Variants in APPL1 observed in about 807,000 individuals in gnomAD.
The protein encoded by APPL1 is adaptor protein, phosphotyrosine interacting with PH domain and leucine zipper 1.
In APPL1, 42 loss-of-function variants were observed where a neutral mutation model predicts 106.8. The observed-to-expected ratio is 0.39, with a 90% CI of 0.31 to 0.51. The LOEUF (loss-of-function observed/expected upper bound fraction) is 0.51, where lower values mean the gene tolerates loss of function less well. Ranked by LOEUF, APPL1 falls within the 20% of genes least tolerant of loss-of-function variation. The pLI is 0.75. For synonymous variants in APPL1, 263 were observed against 281.8 expected (o/e 0.93, Z 0.67); for missense variants, 769 against 858.2 (o/e 0.90, Z 1.30).
At position 57,268,412 on chromosome 3, in the gene APPL1, A is replaced by C; in HGVS notation, c.1908A>C (p.Ser636=). 6.3e-7 allele frequency: 1 copy of C among 1,591,516 alleles called. No homozygotes were observed. ...CTGTTCTTTAGGATCGTAGGGCATC[A>C]GAAAAACAAAAAGAAATAGAGAGAG... The part of the protein sequence containing the change: ...ALHAELDRRA[S]EKQKEIERVK... Residue 636 remains serine, a synonymous_variant, in exon 21 of 22, where the codon TCA becomes TCC. Coordinates refer to ENST00000288266, the MANE Select transcript of APPL1 (RefSeq NM_012096.3).
At position 57,246,184 on chromosome 3, in the gene APPL1, G is replaced by A. The variant is rs1250346173; in HGVS notation, c.583G>A (p.Ala195Thr). The A allele has an allele frequency of 1.2e-6, 2 of 1,610,286 alleles. No individual in the cohort carries two copies. The highest frequency in any genetic ancestry group is 4.5e-5 in the East Asian group (2 of 44,652). The change falls in exon 8 of 22, where the codon GCA becomes ACA. Residue 195 changes from alanine (A) to threonine (T), a missense_variant. By Grantham distance (58) the Ala-to-Thr change is moderately conservative. Coordinates refer to ENST00000288266, the MANE Select transcript of APPL1 (RefSeq NM_012096.3). ...LNTLQYKKKI[A>T]LLEPLLGYMQ... Reference sequence around the variant, plus strand: ...TACTCTTCAGTACAAGAAGAAAATAGCATTGTTAGAACCTCTACTTGGGTA... The same window carrying A: ...TACTCTTCAGTACAAGAAGAAAATAACATTGTTAGAACCTCTACTTGGGTA...
rs574418712 is a variant in APPL1, at chr3:57,236,291, G to A, written c.153+627G>A. Among the ~76,000 whole-genome samples, 9 of 149,950 alleles carry A rather than the reference G, an allele frequency of 6.0e-5. No homozygotes were observed. In the East Asian group the frequency reaches 1.8e-3, roughly 30 times the overall value. On this transcript the variant is annotated intron_variant, in intron 2 of 21. Transcript: ENST00000288266. ...ACTCCCGACCTCAGGTGATCCGCCC[G>A]CCTTGGCCTCCCAAAGTGCTGAGAT...
chr3:57,232,168 T>A (rs1212953919), intron 1 of APPL1, among the ~76,000 whole-genome samples: 1 of 152,232 alleles, frequency 6.6e-6, no homozygotes, highest in Non-Finnish European at 1.5e-5. Context: ...AGAAAATTAA[T>A]TGATTTTATA....
At chr3:57,265,658 T>G (rs1286959883) in intron 19 of APPL1, among the ~76,000 whole-genome samples, 1 of 152,180 alleles carries the variant, frequency 6.6e-6, no homozygotes, top group Non-Finnish European at 1.5e-5. Flanking sequence ...TGGTGGAGTC[T>G]AGGTTTTTCT....
chr3:57,239,895 G>GA (rs1228635935), intron 4 of APPL1, among the ~76,000 whole-genome samples: 1 of 152,034 alleles, frequency 6.6e-6, no homozygotes, highest in Non-Finnish European at 1.5e-5. Flanking sequence ...ATGGCCATCT[G>GA]AGTGAGTGTG....
At chr3:57,260,201 T>TAC (rs762749074) in intron 18 of APPL1, 48 bp downstream of exon 18, 2 of 1,518,892 alleles carry the variant, frequency 1.3e-6, no homozygotes, top group Non-Finnish European at 1.8e-6. Flanking sequence ...TTTGTATATA[T>TAC]ACACATCTTA....
At chr3:57,248,770 T>A (rs112368413) in intron 10 of APPL1, among the ~76,000 whole-genome samples, 12,649 of 151,948 alleles carry the variant, frequency 0.083, 1,758 homozygotes, top group African/African-American at 0.29. Context: ...CTCAGGAGGC[T>A]GAGACACGAG....
intron 19 of APPL1, among the ~76,000 whole-genome samples, chr3:57,265,480 T>TG (rs528834839): frequency 3.9e-4 from 59 of 152,164 alleles, no homozygotes; most frequent in African/African-American, 1.4e-3. Context: ...TCTTTCACTT[T>TG]GGTTAACTCC....
chr3:57,260,106 T>G lies in APPL1; in HGVS notation c.1659-11T>G, dbSNP rs774915058. ...AAAATTTGTTTTCCAATTTTTAAAT[T>G]ATTATTTTAGGTTAATTGATCCACA... On this transcript the variant is annotated splice_polypyrimidine_tract_variant and intron_variant, in intron 17 of 21. Transcript: ENST00000288266. 6.2e-7 allele frequency: 1 copy of G among 1,606,722 alleles called. No individual in the cohort carries two copies. The highest frequency in any genetic ancestry group is 1.7e-5 in the Admixed American group (1 of 57,792).
rs192432791 is a variant in APPL1, at chr3:57,246,980, G to T, written c.622-415G>T. 6.7e-3 allele frequency among the ~76,000 whole-genome samples: 916 copies of T among 136,762 alleles called. 7 individuals carry two copies. The highest frequency in any genetic ancestry group is 0.011 in the Non-Finnish European group (679 of 63,386). The allele number at this position is 136,762 out of a possible 152,430, so 89.7% of individuals were successfully genotyped here. On this transcript the variant is annotated intron_variant, in intron 8 of 21. Coordinates refer to ENST00000288266, the MANE Select transcript of APPL1 (RefSeq NM_012096.3). ...ATTGTGCAGTCTGGATGACAGACGAGACCCTGTCTCAAAAAAAAAAAAAAA... is the reference window on the plus strand; with the variant it reads ...ATTGTGCAGTCTGGATGACAGACGATACCCTGTCTCAAAAAAAAAAAAAAA...
At chr3:57,256,359 CAGTA>C (rs1342626236) in intron 13 of APPL1, among the ~76,000 whole-genome samples, 3 of 152,108 alleles carry the variant, frequency 2.0e-5, no homozygotes, top group African/African-American at 7.2e-5. Flanking sequence ...TTAAATAAAA[CAGTA>C]AGTCTAAAGT....
At chr3:57,240,385 C>A in intron 4 of APPL1, 80 bp from the exon 5 acceptor site, 1 of 1,087,834 alleles carries the variant, frequency 9.2e-7, no homozygotes, top group Non-Finnish European at 1.4e-6. Flanking sequence ...ACCATTTTTA[C>A]TAGATTATGT....
chr3:57,237,973 G>A, intron 3 of APPL1, 72 bp from the exon 4 acceptor site: 1 of 1,183,646 alleles, frequency 8.4e-7, no homozygotes, highest in Non-Finnish European at 1.2e-6. Flanking sequence ...ATTTAAAAAT[G>A]TAAATTATAG....
intron 21 of APPL1, chr3:57,269,302 A>G: frequency 4.8e-6 from 2 of 412,726 alleles, no homozygotes; most frequent in Admixed American, 3.9e-5. Flanking sequence ...GTTGTTGGTC[A>G]TAAAAAAAGA....
At chr3:57,237,350 C>A in intron 2 of APPL1, 142 bp from the exon 3 acceptor site, 1 of 605,922 alleles carries the variant, frequency 1.7e-6, no homozygotes, top group Non-Finnish European at 2.9e-6. Context: ...AATGGTAGTA[C>A]CCCTTTCCAG....
chr3:57,247,801 T>C (rs2060782942), intron 9 of APPL1, among the ~76,000 whole-genome samples: 1 of 152,200 alleles, frequency 6.6e-6, no homozygotes, highest in Admixed American at 6.5e-5. Flanking sequence ...GGGAGATTAC[T>C]AAATATTGTT....
At chr3:57,267,168 C>G (rs1475741537) in intron 19 of APPL1, among the ~76,000 whole-genome samples, 1 of 152,164 alleles carries the variant, frequency 6.6e-6, no homozygotes, top group South Asian at 2.1e-4. Context: ...TCTTCAGTCT[C>G]TTTCATCAGT....
chr3:57,239,256 TG>T (rs2060732674), intron 4 of APPL1, among the ~76,000 whole-genome samples: 1 of 152,112 alleles, frequency 6.6e-6, no homozygotes, highest in Non-Finnish European at 1.5e-5. Flanking sequence ...GAGATTTGGG[TG>T]GGGACACAGC....
At chr3:57,254,903 G>T (rs957364135) in intron 13 of APPL1, among the ~76,000 whole-genome samples, 3 of 152,234 alleles carry the variant, frequency 2.0e-5, no homozygotes, top group African/African-American at 7.2e-5. Context: ...GGGATTACAG[G>T]CGTGAGCCAC....
Sources: gnomAD v4.1 joint callset for allele counts (sites outside exome capture counted in the v4.1 genomes callset) on GRCh38, gnomAD v4.1.1 for gene constraint, MANE v1.5 for transcripts, NCBI Gene and HGNC (gene_info 2026-07-23, HGNC 2026-07-21) for gene names.